The following USP26 variants were observed in gnomAD, a reference collection of about 807,000 sequenced individuals.
The protein encoded by USP26 is ubiquitin specific peptidase 26, also known as ubiquitin carboxyl-terminal hydrolase 26.
For synonymous variants in USP26, 236 were observed against 240.6 expected (o/e 0.98, Z 0.18); for missense variants, 649 against 642.3 (o/e 1.01, Z -0.11).
At chrX:133,088,751 A>G (rs956812832) in intron 4 of USP26, among the ~76,000 whole-genome samples, 1 of 112,091 alleles carries the variant, frequency 8.9e-6, no homozygotes, top group African/African-American at 3.2e-5. Context: ...ATACTTAGAG[A>G]AACTACCAAA....
Position 133,026,887 on chromosome X carries a change from G to A in USP26, c.1334C>T (p.Ser445Phe), listed in dbSNP as rs1343616071. ...CTGACCACAAGCTTTACAAGCAATG[G>A]AGTGCAACAACTCTAACTCAAAATT... ...ITNFELELLHSIACKACGQVI... is the reference protein window; with the variant it reads ...ITNFELELLHFIACKACGQVI... Residue 445 changes from serine (S) to phenylalanine (F), a missense_variant, in exon 6 of 6, where the codon TCC (serine) becomes TTC (phenylalanine). Coordinates refer to ENST00000511190, the MANE Select transcript of USP26 (RefSeq NM_031907.3). 5 of 1,211,268 alleles carry A rather than the reference G, an allele frequency of 4.1e-6. No homozygotes were observed. Among genetic ancestry groups the A allele is most frequent in the Non-Finnish European group, 5.6e-6 (5 of 895,291 alleles).
intron 5 of USP26, among the ~76,000 whole-genome samples, chrX:133,059,770 T>C (rs1020747216): frequency 1.8e-5 from 2 of 111,792 alleles, no homozygotes; most frequent in African/African-American, 6.5e-5. Context: ...AGGACCTAGA[T>C]AAGGACTTCT....
intron 5 of USP26, among the ~76,000 whole-genome samples, chrX:133,046,227 G>A (rs1264263345): frequency 9.0e-6 from 1 of 111,690 alleles, no homozygotes; most frequent in African/African-American, 3.3e-5. Context: ...AGGTAAAGAG[G>A]GCAGCAATTC....
intron 5 of USP26, among the ~76,000 whole-genome samples, chrX:133,042,764 A>T (rs917955605): frequency 8.9e-6 from 1 of 111,954 alleles, no homozygotes. Flanking sequence ...ACACAGTATT[A>T]ATTGTATTTA....
rs148955505 is a variant in USP26 at position 133,026,263 on chromosome X, G to A, written c.1958C>T (p.Pro653Leu). 9.1e-6 allele frequency: 11 copies of A among 1,205,543 alleles called. No homozygotes were observed. The highest frequency in any genetic ancestry group is 8.9e-6 in the Non-Finnish European group (8 of 894,204). The change falls in exon 6 of 6, where the codon CCG becomes CTG. Residue 653 changes from proline (P) to leucine (L), a missense_variant. Physicochemically the swap from Pro to Leu is moderately conservative, Grantham distance 98. Coordinates refer to ENST00000511190, the MANE Select transcript of USP26 (RefSeq NM_031907.3). ...CAGATACGTCATTAAGTGAGCTAAC[G>A]GTTCTTTTTCAATGAATGCTCGATC... ...SGDRAFIEKE[P>L]LAHLMTYLED... is the part of the protein sequence containing the mutation.
At position 133,095,093 on chromosome X, in the gene USP26, C is replaced by CAA. The variant is rs35394795; in HGVS notation, c.-393+1935_-393+1936dup. 7.2e-3 allele frequency among the ~76,000 whole-genome samples: 369 copies of CAA among 51,092 alleles called. 8 individuals carry two copies. The highest frequency in any genetic ancestry group is 0.013 in the South Asian group (8 of 636). The allele number at this position is 51,092 out of a possible 115,157, so 44.4% of individuals were successfully genotyped here. On this transcript the variant is annotated intron_variant, in intron 1 of 5. Coordinates refer to ENST00000511190, the MANE Select transcript of USP26 (RefSeq NM_031907.3). Reference sequence around the variant, plus strand: ...CTGGGCGACAGAACAAGACTCTTGTCAAAAAAAAAAAAAAAAAAGAAAGAA... The same window carrying CAA: ...CTGGGCGACAGAACAAGACTCTTGTCAAAAAAAAAAAAAAAAAAAAGAAAGAA...
At position 133,025,977 on chromosome X, in the gene USP26, A is replaced by G. The variant is rs763146162; in HGVS notation, c.2244T>C (p.Cys748=). Reference sequence around the variant, plus strand: ...GCAGTGCCTGCTGAGGGGCTTGTTCACAGATTCTCATACCGTCACACTGCT... The same window carrying G: ...GCAGTGCCTGCTGAGGGGCTTGTTCGCAGATTCTCATACCGTCACACTGCT... ...QTQQCDGMRI[C]EQAPQQALPQ... The change falls in exon 6 of 6, where the codon TGT becomes TGC. Residue 748 remains cysteine, a synonymous_variant. Transcript: ENST00000511190. The G allele has an allele frequency of 4.1e-6, 5 of 1,211,248 alleles. No homozygotes were observed. In the African/African-American group the frequency reaches 6.9e-5, roughly 17 times the overall value.
intron 5 of USP26, among the ~76,000 whole-genome samples, chrX:133,076,341 T>C (rs1477745727): frequency 9.0e-6 from 1 of 111,121 alleles, no homozygotes; most frequent in Non-Finnish European, 1.9e-5. Flanking sequence ...TTCATAAGAT[T>C]GCATAATCTT....
chrX:133,094,073 T>C (rs1194923813), intron 1 of USP26, among the ~76,000 whole-genome samples: 1 of 110,712 alleles, frequency 9.0e-6, no homozygotes, highest in African/African-American at 3.3e-5. Flanking sequence ...ACTTACACTT[T>C]ATCCTCAAAG....
Position 133,027,785 on chromosome X carries a change from T to TCTCAAAAGATTTGCTAC in USP26, c.419_435dup (p.Ile146ValfsTer7), listed in dbSNP as rs753809442. 1.9e-5 allele frequency: 23 copies of TCTCAAAAGATTTGCTAC among 1,208,718 alleles called. No individual in the cohort carries two copies. The East Asian group carries it at 3.0e-4, about 16-fold the overall frequency. On this transcript the variant is annotated frameshift_variant, in exon 6 of 6. Transcript: ENST00000511190. LOFTEE classifies it low-confidence loss of function (END_TRUNC). ...ACACCTGTCCCACTTCCTTTTGCTATCTCAAAAGATTTGCTACTTGATTTC... is the reference window on the plus strand; with the variant it reads ...ACACCTGTCCCACTTCCTTTTGCTATCTCAAAAGATTTGCTACCTCAAAAGATTTGCTACTTGATTTC...
intron 5 of USP26, among the ~76,000 whole-genome samples, chrX:133,066,528 G>A (rs184206119): frequency 1.1e-3 from 122 of 111,078 alleles, no homozygotes; most frequent in East Asian, 7.1e-3. Flanking sequence ...AAACAGATAC[G>A]TAGACCAATA....
intron 5 of USP26, among the ~76,000 whole-genome samples, chrX:133,042,710 C>T (rs113314531): frequency 0.034 from 3,832 of 112,288 alleles, 97 homozygotes; most frequent in East Asian, 0.099. Context: ...GAAAACCAAA[C>T]TGCCACTTTT....
At chrX:133,067,909 T>C (rs1435256059) in intron 5 of USP26, among the ~76,000 whole-genome samples, 2 of 111,734 alleles carry the variant, frequency 1.8e-5, no homozygotes, top group Non-Finnish European at 3.8e-5. Context: ...AAGAGCAGCT[T>C]ATGTTAACAA....
rs139983873 is a variant in USP26 at position 133,027,714 on chromosome X, G to A, written c.507C>T (p.Cys169=). The A allele has an allele frequency of 1.4e-5, 17 of 1,206,777 alleles. No homozygotes were observed. Among genetic ancestry groups the A allele is most frequent in the African/African-American group, 7.0e-5 (4 of 57,198 alleles). Residue 169 remains cysteine (C), a synonymous_variant, in exon 6 of 6, where the codon TGC becomes TGT. Coordinates refer to ENST00000511190, the MANE Select transcript of USP26 (RefSeq NM_031907.3). ...TGTGCTGATTTTCTGATAACTCTCC[G>A]CAAGTAAGTGTCAATTTTGATGTAA... ...PLLTSKLTLT[C]GELSENQHKK...
intron 5 of USP26, among the ~76,000 whole-genome samples, chrX:133,044,704 G>A (rs1375281294): frequency 8.8e-6 from 1 of 113,164 alleles, no homozygotes; most frequent in East Asian, 2.8e-4. Context: ...TCCCCGACGA[G>A]CGTCACCCCC....
chrX:133,026,484 CAT>C lies in USP26; in HGVS notation c.1735_1736del (p.Met579AspfsTer27). ...DFQLLKVIRK[M>X]TSGNISVSWP... ...ATGATACACTGATGTTTCCAGAAGT[CAT>C]CTTTCGAATAACTTTTAATAATTGG... On this transcript the variant is annotated frameshift_variant, in exon 6 of 6. Coordinates refer to ENST00000511190, the MANE Select transcript of USP26 (RefSeq NM_031907.3). LOFTEE classifies it low-confidence loss of function (END_TRUNC). 1 of 1,208,518 alleles carries C rather than the reference CAT, an allele frequency of 8.3e-7. No individual in the cohort carries two copies. The highest frequency in any genetic ancestry group is 1.1e-6 in the Non-Finnish European group (1 of 894,594).
At chrX:133,042,749 T>G (rs1034128023) in intron 5 of USP26, among the ~76,000 whole-genome samples, 1 of 112,015 alleles carries the variant, frequency 8.9e-6, no homozygotes, top group Admixed American at 9.4e-5. Context: ...TTCCACCTAT[T>G]GAGGACACAG....
chrX:133,057,857 TATATATATA>T (rs1171545855), intron 5 of USP26, among the ~76,000 whole-genome samples: 1 of 23,784 alleles, frequency 4.2e-5, no homozygotes, highest in Non-Finnish European at 7.0e-5. Context: ...TATATATATA[TATATATATA>T]TTTTTTTTTT....
rs978218106 is a variant in USP26 at position 133,025,313 on chromosome X, T to G, written c.*166A>C. ...GAGCTATGGGATTGAGGTGTCTGTGTCAGGATTAGAATGCAGATCTCCCCA... is the reference window on the plus strand; with the variant it reads ...GAGCTATGGGATTGAGGTGTCTGTGGCAGGATTAGAATGCAGATCTCCCCA... On this transcript the variant is annotated 3_prime_UTR_variant, in exon 6 of 6. Coordinates refer to ENST00000511190, the MANE Select transcript of USP26 (RefSeq NM_031907.3). 1.3e-6 allele frequency: 1 copy of G among 759,380 alleles called. No homozygotes were observed. The highest frequency in any genetic ancestry group is 1.9e-6 in the Non-Finnish European group (1 of 532,311). 62.6% of individuals were successfully genotyped at this position (759,380 alleles called of 1,213,427 possible).
Sources: allele counts gnomAD v4.1 joint callset (sites outside exome capture counted in the v4.1 genomes callset), GRCh38; gene constraint gnomAD v4.1.1; transcripts MANE v1.5; gene names NCBI Gene and HGNC (gene_info 2026-07-23, HGNC 2026-07-21).